The following CTNNA3 variants were observed in gnomAD, a reference collection of about 807,000 sequenced individuals.
CTNNA3 encodes catenin alpha 3.
A neutral mutation model predicts 95.7 loss-of-function variants in CTNNA3; 76 were observed. That is an observed-to-expected ratio of 0.79 (90% CI 0.66 to 0.96). The LOEUF is 0.96. Ranked by LOEUF, CTNNA3 falls within the 40% of genes least tolerant of loss-of-function variation. The pLI is 0.00. For synonymous variants in CTNNA3, 431 were observed against 374.4 expected (o/e 1.15, Z -1.74); for missense variants, 1,191 against 1,089.8 (o/e 1.09, Z -1.31).
chr10:67,452,351 A>T (rs1370031577), intron 5 of CTNNA3, among the ~76,000 whole-genome samples: 1 of 152,186 alleles, frequency 6.6e-6, no homozygotes, highest in East Asian at 1.9e-4. Context: ...TATCATAAAC[A>T]ATTCATTATA....
At chr10:66,379,039 T>C (rs372696599) in intron 12 of CTNNA3, 113 bp downstream of exon 12, 22 of 853,848 alleles carry the variant, frequency 2.6e-5, no homozygotes, top group Non-Finnish European at 3.6e-5. Context: ...TGTATAGCAA[T>C]GTATGTCAAA....
rs1396512727 is a variant in CTNNA3 at position 66,360,775 on chromosome 10, TTC to T, written c.1732+18375_1732+18376del. 3.0e-3 allele frequency among the ~76,000 whole-genome samples: 164 copies of T among 55,162 alleles called. 4 individuals are homozygous for T. The highest frequency in any genetic ancestry group is 9.4e-3 in the African/African-American group (158 of 16,722). The allele number at this position is 55,162 out of a possible 152,430, so 36.2% of individuals were successfully genotyped here. On this transcript the variant is annotated intron_variant, in intron 12 of 17. Coordinates refer to ENST00000433211, the MANE Select transcript of CTNNA3 (RefSeq NM_013266.4). ...TCCTTCCTTCCTTCCTTCCTTTTCT[TTC>T]TTTCTTTCTTCCTTCCTTCCTTCCT...
intron 9 of CTNNA3, among the ~76,000 whole-genome samples, chr10:66,657,931 TC>T (rs1167961928): frequency 6.6e-6 from 1 of 152,152 alleles, no homozygotes; most frequent in Non-Finnish European, 1.5e-5. Context: ...TACACTTAAG[TC>T]CTTGTACTTT....
At chr10:67,559,594 C>G (rs1189459437) in intron 3 of CTNNA3, among the ~76,000 whole-genome samples, 1 of 152,136 alleles carries the variant, frequency 6.6e-6, no homozygotes, top group African/African-American at 2.4e-5. Context: ...TCTCCTCCTC[C>G]AAAGGAACAC....
At chr10:66,978,893 A>G (rs1407278793) in intron 7 of CTNNA3, among the ~76,000 whole-genome samples, 1 of 151,150 alleles carries the variant, frequency 6.6e-6, no homozygotes, top group Non-Finnish European at 1.5e-5. Flanking sequence ...ATTTGAAGGA[A>G]GCCATTACTA....
At chr10:67,104,747 C>T (rs1044776234) in intron 7 of CTNNA3, among the ~76,000 whole-genome samples, 2 of 151,940 alleles carry the variant, frequency 1.3e-5, no homozygotes, top group African/African-American at 2.4e-5. Flanking sequence ...AAACATACTT[C>T]TATAATACAC....
At chr10:67,727,147 T>TTA (rs1180724093) in intron 1 of CTNNA3, among the ~76,000 whole-genome samples, 4 of 121,804 alleles carry the variant, frequency 3.3e-5, no homozygotes, top group Non-Finnish European at 4.8e-5. Flanking sequence ...GATACATATA[T>TTA]TATATAATTA....
intron 11 of CTNNA3, among the ~76,000 whole-genome samples, chr10:66,396,880 C>A (rs1291145697): frequency 6.6e-6 from 1 of 151,636 alleles, no homozygotes; most frequent in Non-Finnish European, 1.5e-5. Context: ...TGCAAACTAA[C>A]CATTGGTAAA....
At chr10:67,426,763 A>G (rs1185765419) in intron 5 of CTNNA3, among the ~76,000 whole-genome samples, 1 of 151,906 alleles carries the variant, frequency 6.6e-6, no homozygotes, top group African/African-American at 2.4e-5. Flanking sequence ...TATGTAACAA[A>G]CCTGCATGTT....
chr10:66,095,337 C>G (rs184167301), intron 14 of CTNNA3, among the ~76,000 whole-genome samples: 224 of 152,156 alleles, frequency 1.5e-3, no homozygotes, highest in African/African-American at 5.3e-3. Flanking sequence ...TACTGCCAAA[C>G]ATAAAATTGA....
chr10:66,028,754 A>G (rs1005727162), intron 15 of CTNNA3, among the ~76,000 whole-genome samples: 4 of 152,210 alleles, frequency 2.6e-5, no homozygotes, highest in African/African-American at 9.6e-5. Flanking sequence ...TTTAAAAAAA[A>G]GGGAAAATGA....
At chr10:66,956,178 G>T (rs1426079681) in intron 7 of CTNNA3, among the ~76,000 whole-genome samples, 1 of 151,578 alleles carries the variant, frequency 6.6e-6, no homozygotes, top group Non-Finnish European at 1.5e-5. Flanking sequence ...TGCCCAAAGA[G>T]TTCCTCTTTT....
intron 10 of CTNNA3, among the ~76,000 whole-genome samples, chr10:66,610,960 A>T (rs890156799): frequency 3.9e-5 from 6 of 152,118 alleles, no homozygotes; most frequent in Admixed American, 2.6e-4. Context: ...CATACAATGG[A>T]ATATTATTCA....
chr10:66,861,901 G>A (rs905129403), intron 7 of CTNNA3, among the ~76,000 whole-genome samples: 1 of 152,138 alleles, frequency 6.6e-6, no homozygotes, highest in African/African-American at 2.4e-5. Context: ...TAGAAGTGGT[G>A]TGGGTTATTT....
chr10:66,631,108 C>T (rs1564580419), intron 9 of CTNNA3, among the ~76,000 whole-genome samples: 1 of 152,152 alleles, frequency 6.6e-6, no homozygotes, highest in Non-Finnish European at 1.5e-5. Flanking sequence ...TTCATATTCT[C>T]TTGAACTTTG....
In CTNNA3 at chr10:66,379,272, C is replaced by A. The variant is rs781257513; in HGVS notation, c.1612G>T (p.Gly538Cys). Residue 538 changes from glycine to cysteine, a missense_variant, in exon 12 of 18, where the codon GGT becomes TGT. Transcript: ENST00000433211. ...QDADNLDRAA[G>C]AIRGRAARVA... ...CTTGCTGCCCGGCCTCTGATAGCAC[C>A]CGCAGCACGGTCTAAATTATCAGCA... is the stretch of plus-strand genomic sequence containing the variant. 5 of 1,614,024 alleles carry A rather than the reference C, an allele frequency of 3.1e-6. No individual in the cohort carries two copies. The highest frequency in any genetic ancestry group is 1.7e-5 in the Admixed American group (1 of 59,998).
intron 1 of CTNNA3, among the ~76,000 whole-genome samples, chr10:67,705,983 G>T (rs1589576982): frequency 6.6e-6 from 1 of 152,016 alleles, no homozygotes; most frequent in African/African-American, 2.4e-5. Flanking sequence ...CTTTAAGGGT[G>T]CTGCTTCACT....
At chr10:66,422,981 A>AG (rs1564948064) in intron 11 of CTNNA3, among the ~76,000 whole-genome samples, 1 of 152,012 alleles carries the variant, frequency 6.6e-6, no homozygotes, top group African/African-American at 2.4e-5. Flanking sequence ...CTCAGGAGGT[A>AG]GGGGGGCAGC....
intron 4 of CTNNA3, among the ~76,000 whole-genome samples, chr10:67,532,127 A>G (rs1840346988): frequency 6.6e-6 from 1 of 152,170 alleles, no homozygotes; most frequent in African/African-American, 2.4e-5. Flanking sequence ...AGCAGAGTGA[A>G]AACAGAATAC....
Sources: gnomAD v4.1 joint callset for allele counts (sites outside exome capture counted in the v4.1 genomes callset) on GRCh38, gnomAD v4.1.1 for gene constraint, MANE v1.5 for transcripts, NCBI Gene and HGNC (gene_info 2026-07-23, HGNC 2026-07-21) for gene names.